CTNNA2: variants seen among roughly 807,000 people sequenced by gnomAD.
The protein encoded by CTNNA2 is catenin alpha 2, also known as catenin alpha-2.
CTNNA2 carries 42 observed loss-of-function variants against 101.0 expected under a neutral mutation model. The observed-to-expected ratio is 0.42, with a 90% CI of 0.32 to 0.54. The LOEUF (loss-of-function observed/expected upper bound fraction) is 0.54. CTNNA2 is among the 20% of genes least tolerant of loss of function. The pLI, the probability that CTNNA2 is intolerant of heterozygous loss-of-function variation, is 0.14. For missense variants in CTNNA2, 871 were observed against 1,223.1 expected, an observed-to-expected ratio of 0.71 and a Z score of 4.29; for synonymous variants, 450 against 456.4, an observed-to-expected ratio of 0.99 and a Z score of 0.18.
chr2:79,499,421 T>C (rs114638812), intron 4 of CTNNA2, among the ~76,000 whole-genome samples: 1,803 of 152,246 alleles, frequency 0.012, 27 homozygotes, highest in African/African-American at 0.042. Flanking sequence ...CTACATCACT[T>C]CTCCATATAG....
At chr2:80,480,095 A>G (rs1466899862) in intron 9 of CTNNA2, among the ~76,000 whole-genome samples, 3 of 152,116 alleles carry the variant, frequency 2.0e-5, no homozygotes, top group Non-Finnish European at 4.4e-5. Context: ...AATTGATCAT[A>G]TGCCCAATAA....
At chr2:79,971,541 C>A (rs1381219911) in intron 7 of CTNNA2, among the ~76,000 whole-genome samples, 1 of 152,026 alleles carries the variant, frequency 6.6e-6, no homozygotes, top group Non-Finnish European at 1.5e-5. Flanking sequence ...GCTTTCAAAC[C>A]CTGATACATT....
intron 2 of CTNNA2, among the ~76,000 whole-genome samples, chr2:79,301,335 A>G (rs1167474550): frequency 6.6e-6 from 1 of 152,194 alleles, no homozygotes; most frequent in African/African-American, 2.4e-5. Flanking sequence ...CAGTTTACAG[A>G]TACTCCTTAA....
At chr2:80,182,434 C>A (rs1237868933) in intron 7 of CTNNA2, among the ~76,000 whole-genome samples, 2 of 152,204 alleles carry the variant, frequency 1.3e-5, no homozygotes, top group African/African-American at 2.4e-5. Context: ...AAGTATTAAT[C>A]TCCTTTGGCA....
chr2:79,940,714 A>G (rs539500195), intron 7 of CTNNA2, among the ~76,000 whole-genome samples: 2 of 152,330 alleles, frequency 1.3e-5, no homozygotes, highest in East Asian at 3.9e-4. Context: ...GTGGACCATC[A>G]TAGCTTAGCC....
At chr2:79,355,709 A>T (rs1289893706) in intron 3 of CTNNA2, among the ~76,000 whole-genome samples, 1 of 152,166 alleles carries the variant, frequency 6.6e-6, no homozygotes, top group Non-Finnish European at 1.5e-5. Context: ...GTATCCTTTT[A>T]TCCCTGACTT....
At chr2:80,523,993 G>C (rs1331588645) in intron 9 of CTNNA2, among the ~76,000 whole-genome samples, 1 of 152,142 alleles carries the variant, frequency 6.6e-6, no homozygotes, top group Non-Finnish European at 1.5e-5. Context: ...CAAAAGCATA[G>C]CATAAGACTT....
At chr2:79,500,601 T>A (rs1671308888) in intron 4 of CTNNA2, 1 of 152,244 alleles carries the variant, frequency 6.6e-6, no homozygotes, top group Admixed American at 6.5e-5. Flanking sequence ...TCTGAAATAC[T>A]GAGAATAGGG....
At chr2:79,976,450 A>T (rs1690849089) in intron 7 of CTNNA2, among the ~76,000 whole-genome samples, 1 of 152,150 alleles carries the variant, frequency 6.6e-6, no homozygotes, top group African/African-American at 2.4e-5. Context: ...TCTCCATTCG[A>T]GAGCACTTTT....
intron 7 of CTNNA2, among the ~76,000 whole-genome samples, chr2:80,154,663 C>T (rs1703905455): frequency 6.6e-6 from 1 of 152,128 alleles, no homozygotes; most frequent in Non-Finnish European, 1.5e-5. Context: ...ATCCCCATCC[C>T]AGTGGCTTAA....
intron 2 of CTNNA2, among the ~76,000 whole-genome samples, chr2:79,660,032 C>A (rs1041610076): frequency 1.3e-5 from 2 of 151,958 alleles, no homozygotes; most frequent in African/African-American, 4.8e-5. Flanking sequence ...GAATGAAGTA[C>A]CTTAAGTATC....
At chr2:80,401,618 T>C (rs554979518) in intron 8 of CTNNA2, among the ~76,000 whole-genome samples, 1 of 152,290 alleles carries the variant, frequency 6.6e-6, no homozygotes, top group East Asian at 1.9e-4. Flanking sequence ...ACTGTCTTTG[T>C]TTCTGATAGA....
chr2:80,056,573 G>A (rs114611156), intron 7 of CTNNA2, among the ~76,000 whole-genome samples: 2,837 of 152,190 alleles, frequency 0.019, 86 homozygotes, highest in African/African-American at 0.065. Flanking sequence ...CTCAACTCCT[G>A]GTTACCATAC....
chr2:80,465,956 G>A (rs1044326909), intron 9 of CTNNA2, among the ~76,000 whole-genome samples: 1 of 152,086 alleles, frequency 6.6e-6, no homozygotes, highest in Non-Finnish European at 1.5e-5. Flanking sequence ...CACATAGTTG[G>A]TTATTTAGTG....
intron 2 of CTNNA2, among the ~76,000 whole-genome samples, chr2:79,673,028 T>C (rs1682951329): frequency 6.6e-6 from 1 of 152,084 alleles, no homozygotes; most frequent in South Asian, 2.1e-4. Context: ...ATTTTCAACA[T>C]GATTGAGGTT....
intron 17 of CTNNA2, among the ~76,000 whole-genome samples, chr2:80,608,855 G>T (rs1273607172): frequency 6.6e-6 from 1 of 151,808 alleles, no homozygotes; most frequent in Non-Finnish European, 1.5e-5. Context: ...TAACATAATT[G>T]TCGAACACTA....
At chr2:79,446,047 ACT>A (rs887491972) in intron 4 of CTNNA2, among the ~76,000 whole-genome samples, 10 of 152,094 alleles carry the variant, frequency 6.6e-5, no homozygotes, top group Non-Finnish European at 1.2e-4. Context: ...CTGGAATCAA[ACT>A]CAGCTTGAGT....
At chr2:79,593,325 A>G (rs541295138) in intron 1 of CTNNA2, among the ~76,000 whole-genome samples, 91 of 152,284 alleles carry the variant, frequency 6.0e-4, no homozygotes, top group South Asian at 3.3e-3. Context: ...TGAGCCTGGG[A>G]TACATTGCTA....
intron 7 of CTNNA2, among the ~76,000 whole-genome samples, chr2:80,200,209 T>G (rs1017394937): frequency 1.3e-5 from 2 of 152,232 alleles, no homozygotes; most frequent in Admixed American, 6.5e-5. Context: ...TGCCAGACAA[T>G]GTATCATATG....
Sources: allele counts gnomAD v4.1 joint callset (sites outside exome capture counted in the v4.1 genomes callset), GRCh38; gene constraint gnomAD v4.1.1; transcripts MANE v1.5; gene names NCBI Gene and HGNC (gene_info 2026-07-23, HGNC 2026-07-21).